The following EIPR1 variants were observed in gnomAD, a reference collection of about 807,000 sequenced individuals.
EIPR1 encodes the protein EARP complex and GARP complex interacting protein 1.
In EIPR1, 25 loss-of-function variants were observed where a neutral mutation model predicts 48.1. The observed-to-expected ratio is 0.52, with a 90% CI of 0.38 to 0.73. The LOEUF is 0.73. Ranked by LOEUF, EIPR1 falls within the 30% of genes least tolerant of loss-of-function variation. The probability of loss-of-function intolerance (pLI) is 0.00; values close to 1 mark genes in which losing one functional copy is unlikely to be tolerated. For synonymous variants in EIPR1, 204 were observed against 201.9 expected, an observed-to-expected ratio of 1.01 and a Z score of -0.09; for missense variants, 415 against 506.2, an observed-to-expected ratio of 0.82 and a Z score of 1.73.
At chr2:3,222,435 A>G (rs1665925327) in intron 4 of EIPR1, among the ~76,000 whole-genome samples, 2 of 152,270 alleles carry the variant, frequency 1.3e-5, no homozygotes, top group Non-Finnish European at 2.9e-5. Context: ...TGGCTGTATA[A>G]GTAACTTTTT....
At chr2:3,319,519 A>C (rs974499941) in intron 3 of EIPR1, 6 of 163,310 alleles carry the variant, frequency 3.7e-5, no homozygotes, top group Non-Finnish European at 6.7e-5. Context: ...AAAACCGTAC[A>C]TGACCTGCCC....
chr2:3,345,141 G>A (rs781664096), intron 2 of EIPR1, among the ~76,000 whole-genome samples: 3 of 152,106 alleles, frequency 2.0e-5, no homozygotes, highest in East Asian at 1.9e-4. Flanking sequence ...CAAGGGCTGC[G>A]GGGGAGGCTG....
intron 1 of EIPR1, among the ~76,000 whole-genome samples, chr2:3,370,229 C>T (rs1211522355): frequency 1.3e-5 from 2 of 152,150 alleles, no homozygotes; most frequent in African/African-American, 4.8e-5. Flanking sequence ...CAACCAAAAA[C>T]CCATCTGTAC....
At chr2:3,274,195 A>C in intron 3 of EIPR1, 1 of 1,365,444 alleles carries the variant, frequency 7.3e-7, no homozygotes, top group South Asian at 1.6e-5. Context: ...CAGGAAAAAC[A>C]GAAAACAGCA....
At chr2:3,357,349 C>G (rs1336147075) in intron 1 of EIPR1, among the ~76,000 whole-genome samples, 1 of 152,190 alleles carries the variant, frequency 6.6e-6, no homozygotes, top group Admixed American at 6.5e-5. Context: ...TGAGGAGGAC[C>G]CAGTGGCTGT....
chr2:3,356,846 C>T (rs4411729), intron 1 of EIPR1, among the ~76,000 whole-genome samples: 1 of 152,224 alleles, frequency 6.6e-6, no homozygotes, highest in Non-Finnish European at 1.5e-5. Context: ...CTTCCTAGAA[C>T]TAAACTGAAA....
At chr2:3,219,527 C>T (rs1441066299) in intron 4 of EIPR1, among the ~76,000 whole-genome samples, 2 of 151,056 alleles carry the variant, frequency 1.3e-5, no homozygotes, top group African/African-American at 4.9e-5. Context: ...GAGTCAGGTG[C>T]ACACCCAACA....
At chr2:3,259,092 A>G (rs1324110708) in intron 3 of EIPR1, among the ~76,000 whole-genome samples, 2 of 152,178 alleles carry the variant, frequency 1.3e-5, no homozygotes, top group Non-Finnish European at 2.9e-5. Context: ...GCACACACTA[A>G]CCCAACAGAG....
At position 3,189,427 on chromosome 2, in the gene EIPR1, C is replaced by G; in HGVS notation, c.1071G>C (p.Ser357=). 6.3e-7 allele frequency: 1 copy of G among 1,598,036 alleles called. No homozygotes were observed. Among genetic ancestry groups the G allele is most frequent in the Non-Finnish European group, 8.5e-7 (1 of 1,171,736 alleles). Residue 357 remains serine (S), a synonymous_variant, in exon 9 of 9, where the codon TCG becomes TCC. Coordinates refer to ENST00000382125, the MANE Select transcript of EIPR1 (RefSeq NM_003310.5). This position sits in a 1 kb window ranked among gnomAD's most constrained non-coding sequence, Gnocchi z 4.6. ...EDSVYAVDWS[S]ADPWLFASLS... is the part of the protein sequence containing the mutation. Reference sequence around the variant, plus strand: ...GGGAGGCAAACAGCCACGGGTCAGCCGAGGACCAGTCCACGGCATAGACGC... The same window carrying G: ...GGGAGGCAAACAGCCACGGGTCAGCGGAGGACCAGTCCACGGCATAGACGC...
chr2:3,318,116 T>G (rs569166438), intron 3 of EIPR1, among the ~76,000 whole-genome samples: 1 of 152,228 alleles, frequency 6.6e-6, no homozygotes, highest in Non-Finnish European at 1.5e-5. Context: ...CACCTCCAAG[T>G]GGAACCGCTG....
At chr2:3,332,515 C>T (rs1669931700) in intron 3 of EIPR1, among the ~76,000 whole-genome samples, 2 of 152,358 alleles carry the variant, frequency 1.3e-5, no homozygotes, top group Middle Eastern at 3.4e-3. Context: ...CCTGCGTCCT[C>T]CTCGGAGGCC....
chr2:3,355,812 T>A (rs1034071901), intron 1 of EIPR1, among the ~76,000 whole-genome samples: 2 of 148,806 alleles, frequency 1.3e-5, no homozygotes. Flanking sequence ...AGACCCTGTC[T>A]AAATAAAATA....
intron 3 of EIPR1, among the ~76,000 whole-genome samples, chr2:3,318,704 G>A (rs896264913): frequency 1.3e-5 from 2 of 152,188 alleles, no homozygotes; most frequent in Non-Finnish European, 2.9e-5. Context: ...ATTCTGCAAT[G>A]CTCAGCTCTG....
At chr2:3,269,458 C>CT (rs1558263474) in intron 3 of EIPR1, among the ~76,000 whole-genome samples, 695 of 10,160 alleles carry the variant, frequency 0.068, 249 homozygotes, top group Admixed American at 0.14. Context: ...TCAATCATCA[C>CT]CACACTCAGT....
At chr2:3,348,914 A>G (rs549433118) in intron 2 of EIPR1, among the ~76,000 whole-genome samples, 29 of 152,160 alleles carry the variant, frequency 1.9e-4, no homozygotes, top group Non-Finnish European at 3.8e-4. Context: ...CAGCCAGTGG[A>G]GCCTTCCCGG....
chr2:3,257,974 AG>A (rs1371338786), intron 3 of EIPR1, among the ~76,000 whole-genome samples: 2 of 152,232 alleles, frequency 1.3e-5, no homozygotes, highest in Non-Finnish European at 2.9e-5. Context: ...TGGGACCGGA[AG>A]GTAATGCCAT....
chr2:3,192,363 A>G, intron 8 of EIPR1, 51 bp downstream of exon 8: 1 of 1,512,798 alleles, frequency 6.6e-7, no homozygotes, highest in South Asian at 1.3e-5. Context: ...ATGGCTGTGC[A>G]GACAGGAGGC....
At chr2:3,375,616 G>T (rs1376463326) in intron 1 of EIPR1, among the ~76,000 whole-genome samples, 9 of 152,148 alleles carry the variant, frequency 5.9e-5, no homozygotes, top group South Asian at 2.1e-4. Flanking sequence ...TAGTTAAAGA[G>T]AAAGCAGTAG....
intron 3 of EIPR1, among the ~76,000 whole-genome samples, chr2:3,287,623 G>A (rs960572626): frequency 6.8e-6 from 1 of 147,434 alleles, no homozygotes; most frequent in African/African-American, 2.5e-5. Context: ...TCAGGCTCCA[G>A]AAAGTTCGTT....
Sources: allele counts gnomAD v4.1 joint callset (sites outside exome capture counted in the v4.1 genomes callset), GRCh38; gene constraint gnomAD v4.1.1; non-coding constraint Gnocchi (gnomAD v3.1); transcripts MANE v1.5; gene names NCBI Gene and HGNC (gene_info 2026-07-23, HGNC 2026-07-21).